Variants in KLHL32 observed in about 807,000 individuals in gnomAD.
The protein encoded by KLHL32 is kelch-like protein 32.
A neutral mutation model predicts 64.8 loss-of-function variants in KLHL32; 35 were observed. The ratio of observed to expected loss-of-function variants is 0.54; its 90% CI spans 0.41 to 0.72. The LOEUF is 0.72. Ranked by LOEUF, KLHL32 falls within the 30% of genes least tolerant of loss-of-function variation. The probability of loss-of-function intolerance (pLI) is 0.00; values close to 1 mark genes in which losing one functional copy is unlikely to be tolerated. For missense variants in KLHL32, 589 were observed against 768.5 expected, an observed-to-expected ratio of 0.77 and a Z score of 2.76; for synonymous variants, 259 against 281.0, an observed-to-expected ratio of 0.92 and a Z score of 0.78.
At chr6:97,080,398 A>G (rs1792313895) in intron 5 of KLHL32, among the ~76,000 whole-genome samples, 1 of 152,194 alleles carries the variant, frequency 6.6e-6, no homozygotes, top group Non-Finnish European at 1.5e-5. Context: ...GCTCATGGGT[A>G]TTCTTTCATT....
At chr6:97,057,479 G>A (rs1788169529) in intron 4 of KLHL32, among the ~76,000 whole-genome samples, 1 of 89,168 alleles carries the variant, frequency 1.1e-5, no homozygotes, top group South Asian at 2.8e-4. Context: ...ACCGCGCCCG[G>A]CCGAGTATCT....
At chr6:97,103,128 G>A in intron 6 of KLHL32, among the ~76,000 whole-genome samples, 1 of 151,366 alleles carries the variant, frequency 6.6e-6, no homozygotes, top group East Asian at 1.9e-4. Context: ...ATATACCACT[G>A]TATTCCCTCA....
the KLHL32 span, among the ~76,000 whole-genome samples, chr6:96,908,660 A>G: frequency 6.6e-6 from 1 of 152,198 alleles, no homozygotes; most frequent in Admixed American, 6.5e-5. Context: ...ACTTTGAATT[A>G]TAGGATGCTA....
intron 1 of KLHL32, among the ~76,000 whole-genome samples, chr6:96,956,132 A>G (rs1352314487): frequency 2.0e-5 from 3 of 152,106 alleles, no homozygotes; most frequent in East Asian, 3.9e-4. Context: ...AAAACCATCA[A>G]ATCTCATGAG....
intron 5 of KLHL32, among the ~76,000 whole-genome samples, chr6:97,067,799 C>T (rs910126680): frequency 7.9e-5 from 12 of 152,188 alleles, no homozygotes; most frequent in Non-Finnish European, 1.5e-4. Flanking sequence ...TTAGCCTCAT[C>T]TTCAAGGCCA....
At chr6:97,018,546 A>G (rs1781548277) in intron 3 of KLHL32, among the ~76,000 whole-genome samples, 1 of 151,310 alleles carries the variant, frequency 6.6e-6, no homozygotes, top group Non-Finnish European at 1.5e-5. Flanking sequence ...GGTTGCAGCG[A>G]GCCGAGATCA....
chr6:97,051,716 C>T (rs1455555734), intron 4 of KLHL32, among the ~76,000 whole-genome samples: 1 of 152,184 alleles, frequency 6.6e-6, no homozygotes, highest in Non-Finnish European at 1.5e-5. Flanking sequence ...CCTTTAGGTG[C>T]TCCCTCAAAT....
At chr6:97,138,359 C>T (rs1052235947) in intron 10 of KLHL32, among the ~76,000 whole-genome samples, 3 of 152,116 alleles carry the variant, frequency 2.0e-5, no homozygotes, top group East Asian at 1.9e-4. Context: ...CACAACATGG[C>T]GAGAGCCCAT....
chr6:97,130,460 A>T (rs1197126626), intron 8 of KLHL32, among the ~76,000 whole-genome samples: 1 of 152,200 alleles, frequency 6.6e-6, no homozygotes, highest in African/African-American at 2.4e-5. Context: ...GGGTGAGATA[A>T]ACATCATGAA....
At chr6:97,119,258 C>T (rs1035028587) in intron 7 of KLHL32, among the ~76,000 whole-genome samples, 2 of 152,184 alleles carry the variant, frequency 1.3e-5, no homozygotes, top group African/African-American at 4.8e-5. Context: ...TCCCCTACTG[C>T]TACTCTCTCA....
At chr6:96,970,548 G>T (rs1297049784) in intron 2 of KLHL32, among the ~76,000 whole-genome samples, 1 of 152,106 alleles carries the variant, frequency 6.6e-6, no homozygotes, top group East Asian at 1.9e-4. Context: ...ATGTGTAACT[G>T]CCCTACTACA....
intron 3 of KLHL32, among the ~76,000 whole-genome samples, chr6:96,986,484 G>A (rs1235915093): frequency 1.3e-5 from 2 of 152,226 alleles, no homozygotes; most frequent in Non-Finnish European, 2.9e-5. Context: ...AGTCTACAGA[G>A]GCAGGCAGGC....
intron 4 of KLHL32, among the ~76,000 whole-genome samples, chr6:97,062,175 T>C (rs191527518): frequency 6.6e-6 from 1 of 152,306 alleles, no homozygotes; most frequent in Non-Finnish European, 1.5e-5. Flanking sequence ...TGCTATGGAA[T>C]ATTCATCTTG....
intron 1 of KLHL32, among the ~76,000 whole-genome samples, chr6:96,948,426 C>T (rs1231139896): frequency 1.3e-5 from 2 of 152,032 alleles, no homozygotes; most frequent in Admixed American, 6.6e-5. Context: ...TCAACCAAGA[C>T]ATCAGATGAT....
chr6:96,984,239 C>G (rs1278337286), intron 3 of KLHL32, among the ~76,000 whole-genome samples: 5 of 152,098 alleles, frequency 3.3e-5, no homozygotes, highest in Admixed American at 2.0e-4. Context: ...ACTGTGGTCT[C>G]AGAGACAGTT....
chr6:97,075,665 CCCCCTTTATGTTGCTTTCTCTACT>C (rs1295434410), intron 5 of KLHL32, among the ~76,000 whole-genome samples: 21 of 152,172 alleles, frequency 1.4e-4, no homozygotes, highest in African/African-American at 5.1e-4. Context: ...TCCACACCAG[CCCCCTTTATGTTGCTTTCTCTACT>C]CCTGGAGTAC....
chr6:96,900,272 C>G, the KLHL32 span, among the ~76,000 whole-genome samples: 91 of 152,276 alleles, frequency 6.0e-4, no homozygotes, highest in Non-Finnish European at 5.9e-4. Context: ...ATGCCCAGCT[C>G]AGAATCTGAT....
intron 3 of KLHL32, among the ~76,000 whole-genome samples, chr6:97,012,876 TTTATTA>T (rs879384975): frequency 3.3e-5 from 5 of 152,180 alleles, no homozygotes; most frequent in Admixed American, 3.3e-4. Context: ...TGTAGAAAAC[TTTATTA>T]TTATTGTTAT....
At chr6:96,909,128 C>T in the KLHL32 span, among the ~76,000 whole-genome samples, 3 of 151,980 alleles carry the variant, frequency 2.0e-5, no homozygotes, top group Admixed American at 6.6e-5. Flanking sequence ...TTTTTCTACT[C>T]CAGATTTAAG....
Sources: allele counts gnomAD v4.1 joint callset (sites outside exome capture counted in the v4.1 genomes callset), GRCh38; gene constraint gnomAD v4.1.1; transcripts MANE v1.5; gene names NCBI Gene and HGNC (gene_info 2026-07-23, HGNC 2026-07-21).